The following ARHGEF7 variants were observed in gnomAD, a reference collection of about 807,000 sequenced individuals.
The protein encoded by ARHGEF7 is PAK-interacting exchange factor beta.
A neutral mutation model predicts 109.8 loss-of-function variants in ARHGEF7; 33 were observed. The ratio of observed to expected loss-of-function variants is 0.30; its 90% confidence interval spans 0.23 to 0.40. The LOEUF (loss-of-function observed/expected upper bound fraction) is 0.40. Ranked by LOEUF, ARHGEF7 falls within the 10% of genes least tolerant of loss-of-function variation. The pLI is 1.00. For synonymous variants in ARHGEF7, 458 were observed against 424.6 expected (o/e 1.08, Z -0.97); for missense variants, 938 against 1,098.5 (o/e 0.85, Z 2.07).
intron 8 of ARHGEF7, chr13:111,265,573 G>A (rs1191092995): frequency 6.6e-6 from 3 of 456,660 alleles, no homozygotes; most frequent in Admixed American, 2.3e-5. Context: ...GAAGTCCGGG[G>A]TCTGAGGTCC....
rs911333456 is a variant in ARHGEF7, at chr13:111,153,552, G to A, written c.166-353G>A. 18 of 950,204 alleles carry A rather than the reference G, an allele frequency of 1.9e-5. No individual in the cohort carries two copies. The South Asian group carries it at 4.6e-4, about 24-fold the overall frequency. The allele number at this position is 950,204 out of a possible 1,614,324, so 58.9% of individuals were successfully genotyped here. On this transcript the variant is annotated intron_variant, in intron 1 of 21. Transcript: ENST00000646102. ...GGGCCAGAGGAGGTGGCAGCTCGCC[G>A]GCAAAGCAGGGTGGGCTGCGTCCGC...
chr13:111,295,532 A>G (rs1595611360), intron 19 of ARHGEF7, among the ~76,000 whole-genome samples: 1 of 152,232 alleles, frequency 6.6e-6, no homozygotes, highest in Non-Finnish European at 1.5e-5. Flanking sequence ...TATTTAGACT[A>G]AGGCCAGTTT....
chr13:111,161,278 C>CT (rs1043904876), intron 2 of ARHGEF7, among the ~76,000 whole-genome samples: 20 of 152,228 alleles, frequency 1.3e-4, no homozygotes, highest in African/African-American at 4.8e-4. Context: ...CTGATTTCTC[C>CT]TTTTTTGATT....
At chr13:111,201,803 C>T (rs1484243470) in intron 2 of ARHGEF7, among the ~76,000 whole-genome samples, 4 of 152,110 alleles carry the variant, frequency 2.6e-5, no homozygotes, top group East Asian at 3.9e-4. Flanking sequence ...CTTCCAGCAC[C>T]GCCGTGTCCT....
intron 8 of ARHGEF7, among the ~76,000 whole-genome samples, chr13:111,251,833 G>T (rs1308427051): frequency 6.6e-6 from 1 of 152,202 alleles, no homozygotes; most frequent in East Asian, 1.9e-4. Flanking sequence ...GAACCAGGAA[G>T]TGTGGGTCAC....
intron 19 of ARHGEF7, chr13:111,293,347 A>G (rs1459373284): frequency 1.3e-5 from 13 of 985,144 alleles, no homozygotes; most frequent in Non-Finnish European, 1.4e-5. Context: ...ATTTACAGCA[A>G]CCCCATAGTA....
chr13:111,206,963 AAAAAAAAAAAAAG>A (rs2081954072), intron 3 of ARHGEF7, among the ~76,000 whole-genome samples: 1 of 137,250 alleles, frequency 7.3e-6, no homozygotes, highest in South Asian at 2.6e-4. Context: ...CTCCATCTAA[AAAAAAAAAAAAAG>A]AAAAAGAAAA....
intron 2 of ARHGEF7, among the ~76,000 whole-genome samples, chr13:111,195,617 G>C (rs4773333): frequency 6.6e-6 from 1 of 152,016 alleles, no homozygotes; most frequent in Admixed American, 6.5e-5. Context: ...TCTGGGCACC[G>C]TCAGTCCTGT....
chr13:111,115,154 C>G (rs1443455063), upstream of ARHGEF7: 9 of 147,720 alleles, frequency 6.1e-5, no homozygotes, highest in East Asian at 1.8e-3. Flanking sequence ...TCCCAGCCGC[C>G]GCCGCCGCCC....
chr13:111,294,610 T>C, intron 19 of ARHGEF7: 1 of 985,452 alleles, frequency 1.0e-6, no homozygotes, highest in Non-Finnish European at 1.2e-6. Flanking sequence ...CACCATTAGC[T>C]TTTGTGATCT....
chr13:111,179,206 G>A (rs2078487674), intron 2 of ARHGEF7, among the ~76,000 whole-genome samples: 1 of 151,914 alleles, frequency 6.6e-6, no homozygotes, highest in African/African-American at 2.4e-5. Context: ...AGCCAGCCTA[G>A]TAGCTGGGAT....
Position 111,228,268 on chromosome 13 carries a change from A to T in ARHGEF7, c.671-4937A>T, listed in dbSNP as rs1180692157. 6.6e-6 allele frequency among the ~76,000 whole-genome samples: 1 copy of T among 152,212 alleles called. No homozygotes were observed. Among genetic ancestry groups the T allele is most frequent in the Non-Finnish European group, 1.5e-5 (1 of 68,036 alleles). On this transcript the variant is annotated intron_variant, in intron 5 of 21. Transcript: ENST00000646102. This position sits in a 1 kb window ranked among gnomAD's most constrained non-coding sequence, Gnocchi z 4.6. ...CTGACATCAGAAAGCCATTGTTTTG[A>T]CACACAGGAAGATCTGAATATAGAC...
rs190940558 is a variant in ARHGEF7 at position 111,179,496 on chromosome 13, C to T, written c.252+25505C>T. Among the ~76,000 whole-genome samples, 12 of 152,288 alleles carry T rather than the reference C, an allele frequency of 7.9e-5. No homozygotes were observed. In the East Asian group the frequency reaches 2.3e-3, roughly 29 times the overall value. ...GTATCTTAAAAATAAGAACATTCTC[C>T]TACATAACCATGGTGTCATTATCAC... On this transcript the variant is annotated intron_variant, in intron 2 of 21. Transcript: ENST00000646102.
At chr13:111,220,336 CT>C (rs1358616369) in intron 5 of ARHGEF7, among the ~76,000 whole-genome samples, 2 of 152,236 alleles carry the variant, frequency 1.3e-5, no homozygotes. Context: ...CTTGTTCCAG[CT>C]GGTCTTTCTG....
chr13:111,293,438 A>G (rs975829593), intron 19 of ARHGEF7: 4 of 40,926 alleles, frequency 9.8e-5, no homozygotes, highest in Non-Finnish European at 1.1e-4. Flanking sequence ...CACTTATTTA[A>G]AAAAAAAAAA....
rs1227005621 is a variant in ARHGEF7, at chr13:111,303,794, G to A, written c.*681G>A. On this transcript the variant is annotated 3_prime_UTR_variant, in exon 22 of 22. Coordinates refer to ENST00000646102, the MANE Select transcript of ARHGEF7 (RefSeq NM_001354046.2). Reference sequence around the variant, plus strand: ...CAGACTCAGTCTTGACCTCAAGGAAGGCCCATACGGCACTGCCGCATCCAC... The same window carrying A: ...CAGACTCAGTCTTGACCTCAAGGAAAGCCCATACGGCACTGCCGCATCCAC... The A allele has an allele frequency of 6.6e-6, 1 of 152,250 alleles. No individual in the cohort carries two copies. The highest frequency in any genetic ancestry group is 1.5e-5 in the Non-Finnish European group (1 of 68,064). 9.4% of individuals were successfully genotyped at this position (152,250 alleles called of 1,614,324 possible).
At chr13:111,161,912 A>G (rs1171971052) in intron 2 of ARHGEF7, among the ~76,000 whole-genome samples, 2 of 152,190 alleles carry the variant, frequency 1.3e-5, no homozygotes, top group Non-Finnish European at 2.9e-5. Flanking sequence ...AGTTCCTGGT[A>G]ATAATCCCCA....
chr13:111,227,162 G>A (rs984353737), intron 5 of ARHGEF7, among the ~76,000 whole-genome samples: 2 of 152,212 alleles, frequency 1.3e-5, no homozygotes, highest in Admixed American at 6.5e-5. Flanking sequence ...CTGAAGTGCC[G>A]TGAACATTGT....
rs138468020 is a variant in ARHGEF7 at position 111,233,262 on chromosome 13, C to T, written c.728C>T (p.Thr243Met). The part of the protein sequence containing the change: ...TLKSPPKGFD[T>M]TAINKSYYNV... ...AAGAGCCCTCCCAAAGGATTTGATA[C>T]GACTGCCATAAACAAAAGCTATTAC... Residue 243 changes from threonine (T) to methionine (M), a missense_variant, in exon 6 of 22, where the codon ACG (threonine) becomes ATG (methionine). This residue lies in a region of ARHGEF7 where 585 missense variants were observed against 723.6 expected (regional missense o/e 0.81). Transcript: ENST00000646102. 8.3e-5 allele frequency: 134 copies of T among 1,613,824 alleles called. No individual in the cohort carries two copies. Among genetic ancestry groups the T allele is most frequent in the African/African-American group, 3.9e-4 (29 of 74,882 alleles).
Sources: gnomAD v4.1 joint callset for allele counts (sites outside exome capture counted in the v4.1 genomes callset) on GRCh38, gnomAD v4.1.1 for gene constraint, gnomAD v4.1.1 regional missense constraint, Gnocchi (gnomAD v3.1) non-coding constraint, MANE v1.5 for transcripts, NCBI Gene and HGNC (gene_info 2026-07-23, HGNC 2026-07-21) for gene names.